HRAS: variants seen among roughly 807,000 people sequenced by gnomAD.
HRAS encodes the protein GTPase HRas.
A neutral mutation model predicts 19.8 loss-of-function variants in HRAS; 11 were observed. The observed-to-expected ratio is 0.55, with a 90% CI of 0.35 to 0.92. HRAS has a LOEUF of 0.92. HRAS is among the 40% of genes least tolerant of loss of function. The pLI is 0.01. For synonymous variants in HRAS, 149 were observed against 105.5 expected (o/e 1.41, Z -2.52); for missense variants, 204 against 255.9 (o/e 0.80, Z 1.38).
intron 1 of HRAS, 47 bp downstream of exon 1, chr11:535,369 G>T: frequency 6.8e-6 from 1 of 146,864 alleles, no homozygotes; most frequent in South Asian, 1.8e-4. Flanking sequence ...GCTGCCGCCT[G>T]GGGGCGAGGA....
intron 1 of HRAS, 158 bp from the exon 2 acceptor site, chr11:534,533 C>G: frequency 1.7e-6 from 1 of 598,330 alleles, no homozygotes; most frequent in South Asian, 2.0e-5. Context: ...CAGCTGCAAC[C>G]CAGCGTGCGG....
rs937690741 is a variant in HRAS at position 534,512 on chromosome 11, G to A, written c.-53-137C>T. On this transcript the variant is annotated intron_variant, in intron 1 of 5. Transcript: ENST00000311189. ...CGCCAGGCAGCAAGGACTGCAGCGT[G>A]CCTACCTGTGCAGCTGCAACCCAGC... is the stretch of plus-strand genomic sequence containing the variant. 4.9e-4 allele frequency: 295 copies of A among 605,794 alleles called. 1 individual carries two copies. The East Asian group carries it at 8.0e-3, about 16-fold the overall frequency. The allele number at this position is 605,794 out of a possible 1,614,324, so 37.5% of individuals were successfully genotyped here. A position where few individuals can be genotyped will look rare whatever the true frequency, so the allele number is the denominator to read the frequency against.
rs780297433 is a variant in HRAS, at chr11:533,501, G to GGCGAGGTCTT, written c.401_402insAAGACCTCGC (p.Ser136ProfsTer30). 1 of 1,613,646 alleles carries GGCGAGGTCTT rather than the reference G, an allele frequency of 6.2e-7. No homozygotes were observed. The highest frequency in any genetic ancestry group is 8.5e-7 in the Non-Finnish European group (1 of 1,179,982). ...CGATGTAGGGGATGCCGTAGCTTCG[G>GGCGAGGTCTT]GCGAGGTCCTGAGCCTGCCGAGATT... is the stretch of plus-strand genomic sequence containing the variant. On this transcript the variant is annotated frameshift_variant, in exon 4 of 6. Transcript: ENST00000311189. LOFTEE classifies it high-confidence loss of function.
chr11:533,579 G>A lies in HRAS; in HGVS notation c.324C>T (p.Asp108=), dbSNP rs770260347. Reference sequence around the variant, plus strand: ...TGTTCCCCACCAGCACCATGGGCACGTCATCCGAGTCCTTCACCCGTTTGA... The same window carrying A: ...TGTTCCCCACCAGCACCATGGGCACATCATCCGAGTCCTTCACCCGTTTGA... ...EQIKRVKDSD[D]VPMVLVGNKC... is the part of the protein sequence containing the mutation. Residue 108 remains aspartate (D), a synonymous_variant, in exon 4 of 6, where the codon GAC becomes GAT. Coordinates refer to ENST00000311189, the MANE Select transcript of HRAS (RefSeq NM_005343.4). 1.9e-6 allele frequency: 3 copies of A among 1,613,868 alleles called. No individual in the cohort carries two copies. Among genetic ancestry groups the A allele is most frequent in the East Asian group, 4.5e-5 (2 of 44,888 alleles).
intron 4 of HRAS, chr11:533,183 C>A (rs1348569469): frequency 1.7e-6 from 2 of 1,176,844 alleles, no homozygotes; most frequent in Admixed American, 2.4e-5. Context: ...GGACCTCCGC[C>A]TTCCCCGGAG....
At chr11:535,095 T>C (rs1444630368) in intron 1 of HRAS, among the ~76,000 whole-genome samples, 1 of 151,654 alleles carries the variant, frequency 6.6e-6, no homozygotes, top group Non-Finnish European at 1.5e-5. Context: ...CGCGGCCGCC[T>C]CCTCCCAGAC....
chr11:534,354 C>T lies in HRAS; in HGVS notation c.-32G>A, dbSNP rs2133995677. ...TCAGGGGCCTGCGGCCCGGGGTCCTCCTACAGGGTCTCCTGCCCCACCTGC... is the reference window on the plus strand; with the variant it reads ...TCAGGGGCCTGCGGCCCGGGGTCCTTCTACAGGGTCTCCTGCCCCACCTGC... On this transcript the variant is annotated 5_prime_UTR_variant, in exon 2 of 6. Transcript: ENST00000311189. 6.4e-7 allele frequency: 1 copy of T among 1,553,402 alleles called. No homozygotes were observed. Among genetic ancestry groups the T allele is most frequent in the Non-Finnish European group, 8.8e-7 (1 of 1,133,612 alleles).
intron 4 of HRAS, chr11:533,180 C>A: frequency 3.5e-6 from 4 of 1,148,398 alleles, no homozygotes; most frequent in East Asian, 2.6e-5. Flanking sequence ...CAAGGACCTC[C>A]GCCTTCCCCG....
chr11:532,884 C>CTGG, intron 4 of HRAS, 129 bp from the exon 5 acceptor site: 1 of 889,222 alleles, frequency 1.1e-6, no homozygotes, highest in Non-Finnish European at 1.8e-6. Context: ...TTCCCCAGGC[C>CTGG]CACCACACAC....
At chr11:532,837 C>T in intron 4 of HRAS, 82 bp from the exon 5 acceptor site, 1 of 1,411,966 alleles carries the variant, frequency 7.1e-7, no homozygotes. Context: ...TGGGATCAAG[C>T]CTTGCCTGGC....
Position 533,543 on chromosome 11 carries a change from C to G in HRAS, c.360G>C (p.Leu120=), listed in dbSNP as rs1851245565. The change falls in exon 4 of 6, where the codon CTG becomes CTC. Residue 120 remains leucine, a synonymous_variant. Coordinates refer to ENST00000311189, the MANE Select transcript of HRAS (RefSeq NM_005343.4). ...PMVLVGNKCD[L]AARTVESRQA... ...GCCGAGATTCCACAGTGCGTGCAGC[C>G]AGGTCACACTTGTTCCCCACCAGCA... The G allele has an allele frequency of 1.2e-6, 2 of 1,613,776 alleles. No homozygotes were observed. Among genetic ancestry groups the G allele is most frequent in the African/African-American group, 2.7e-5 (2 of 74,924 alleles).
rs955301053 is a variant in HRAS, at chr11:532,469, C to T, written c.*59G>A. 2 of 923,978 alleles carry T rather than the reference C, an allele frequency of 2.2e-6. No individual in the cohort carries two copies. The highest frequency in any genetic ancestry group is 1.6e-5 in the South Asian group (1 of 62,138). The allele number at this position is 923,978 out of a possible 1,614,324, so 57.2% of individuals were successfully genotyped here. A position where few individuals can be genotyped will look rare whatever the true frequency, so the allele number is the denominator to read the frequency against. The stretch of plus-strand genomic sequence containing the variant: ...CTTGCTTCCGTCCTTCCTTCCTCCT[C>T]CTTCCGTCTGCACCTCCTTCCTGCA... On this transcript the variant is annotated 3_prime_UTR_variant, in exon 6 of 6. Coordinates refer to ENST00000311189, the MANE Select transcript of HRAS (RefSeq NM_005343.4).
rs1589789759 is a variant in HRAS, at chr11:532,765, G to A, written c.451-10C>T. Reference sequence around the variant, plus strand: ...AGGCATCCTCCACTCCCTGGGAAAGGAGGGATGGGATCAGGAGGGACCGGC... The same window carrying A: ...AGGCATCCTCCACTCCCTGGGAAAGAAGGGATGGGATCAGGAGGGACCGGC... On this transcript the variant is annotated splice_polypyrimidine_tract_variant and intron_variant, in intron 4 of 5. Coordinates refer to ENST00000311189, the MANE Select transcript of HRAS (RefSeq NM_005343.4). The A allele has an allele frequency of 6.2e-7, 1 of 1,612,072 alleles. No homozygotes were observed. The highest frequency in any genetic ancestry group is 8.5e-7 in the Non-Finnish European group (1 of 1,179,926).
chr11:532,609 C>A (rs367794685), intron 5 of HRAS, 22 bp downstream of exon 5: 44 of 1,601,888 alleles, frequency 2.7e-5, no homozygotes, highest in Non-Finnish European at 3.5e-5. Context: ...GGCGTGGCGG[C>A]CGCCCTGGGA....
chr11:535,309 C>CT (rs1851416432), intron 1 of HRAS, 107 bp downstream of exon 1: 1 of 127,186 alleles, frequency 7.9e-6, no homozygotes, highest in African/African-American at 2.9e-5. Context: ...CCGCCGCCGC[C>CT]GCCGCTTACG....
intron 4 of HRAS, 44 bp from the exon 5 acceptor site, chr11:532,799 G>A (rs370466392): frequency 1.6e-5 from 25 of 1,593,460 alleles, no homozygotes; most frequent in African/African-American, 4.0e-5. Context: ...GCCTGTGGCC[G>A]CCTGCCTGGG....
intron 1 of HRAS, 187 bp from the exon 2 acceptor site, chr11:534,562 C>G: frequency 1.7e-6 from 1 of 587,852 alleles, no homozygotes; most frequent in Non-Finnish European, 3.0e-6. Flanking sequence ...TCGCCTCGCC[C>G]CCACTTGCTC....
Position 532,733 on chromosome 11 carries a change from G to C in HRAS, c.473C>G (p.Thr158Arg), listed in dbSNP as rs587778400. 1 of 1,612,890 alleles carries C rather than the reference G, an allele frequency of 6.2e-7. No individual in the cohort carries two copies. Among genetic ancestry groups the C allele is most frequent in the Non-Finnish European group, 8.5e-7 (1 of 1,180,006 alleles). The change falls in exon 5 of 6, where the codon ACG becomes AGG. Residue 158 changes from threonine to arginine, a missense_variant. Thr to Arg is a moderately conservative substitution (Grantham distance 71, BLOSUM62 -1). This residue lies in a region of HRAS where 142 missense variants were observed against 141.1 expected (regional missense o/e 1.01). Transcript: ENST00000311189. ...GTGCTGCCGGATCTCACGCACCAAC[G>C]TGTAGAAGGCATCCTCCACTCCCTG... The part of the protein sequence containing the change: ...TRQGVEDAFY[T>R]LVREIRQHKL...
At chr11:533,160 C>T in intron 4 of HRAS, 1 of 936,290 alleles carries the variant, frequency 1.1e-6, no homozygotes, top group Non-Finnish European at 1.6e-6. Context: ...TGGCTCAGGG[C>T]AGCTCTCCCC....
Sources: allele counts gnomAD v4.1 joint callset (sites outside exome capture counted in the v4.1 genomes callset), GRCh38; gene constraint gnomAD v4.1.1; regional missense constraint gnomAD v4.1.1; transcripts MANE v1.5; gene names NCBI Gene and HGNC (gene_info 2026-07-23, HGNC 2026-07-21).